The following CDH9 variants were observed in gnomAD, a reference collection of about 807,000 sequenced individuals.
CDH9 encodes the protein cadherin-9.
CDH9 carries 28 observed loss-of-function variants against 70.9 expected under a neutral mutation model. The ratio of observed to expected loss-of-function variants is 0.40; its 90% CI spans 0.29 to 0.54. CDH9 has a LOEUF of 0.54. Ranked by LOEUF, CDH9 falls within the 20% of genes least tolerant of loss-of-function variation. CDH9 has a pLI of 0.59. For missense variants in CDH9, 874 were observed against 984.4 expected, an observed-to-expected ratio of 0.89 and a Z score of 1.50; for synonymous variants, 409 against 343.1, an observed-to-expected ratio of 1.19 and a Z score of -2.12.
Position 26,880,774 on chromosome 5 carries a change from A to C in CDH9, c.*362T>G. ...ATATTAATTTACAAAGCGGTTGCAC[A>C]ATATTTAGTTTAATTGTAAAGGTGA... On this transcript the variant is annotated 3_prime_UTR_variant, in exon 12 of 12. Coordinates refer to ENST00000231021, the MANE Select transcript of CDH9 (RefSeq NM_016279.4). 1 of 162,900 alleles carries C rather than the reference A, an allele frequency of 6.1e-6. No homozygotes were observed. The highest frequency in any genetic ancestry group is 2.4e-5 in the African/African-American group (1 of 41,994). 10.1% of individuals were successfully genotyped at this position (162,900 alleles called of 1,614,324 possible). A position where few individuals can be genotyped will look rare whatever the true frequency, so the allele number is the denominator to read the frequency against.
At chr5:26,948,941 T>A (rs1233163778) in intron 2 of CDH9, among the ~76,000 whole-genome samples, 1 of 152,202 alleles carries the variant, frequency 6.6e-6, no homozygotes, top group Non-Finnish European at 1.5e-5. Flanking sequence ...TATTAACCAA[T>A]GCTCCATTTT....
chr5:26,935,834 G>A (rs1741548580), intron 2 of CDH9, among the ~76,000 whole-genome samples: 1 of 152,144 alleles, frequency 6.6e-6, no homozygotes, highest in Non-Finnish European at 1.5e-5. Context: ...ATTTGCAATT[G>A]CAAAACTATG....
intron 2 of CDH9, among the ~76,000 whole-genome samples, chr5:26,959,584 C>T (rs1031258416): frequency 4.0e-5 from 6 of 151,804 alleles, no homozygotes; most frequent in Non-Finnish European, 5.9e-5. Context: ...TTTATAATAG[C>T]CAAAGGAAGA....
At chr5:26,978,281 T>A (rs989576583) in intron 2 of CDH9, among the ~76,000 whole-genome samples, 7 of 151,946 alleles carry the variant, frequency 4.6e-5, no homozygotes, top group African/African-American at 1.7e-4. Context: ...TTGAAGAATT[T>A]ATAGAGAATA....
chr5:26,888,829 C>T (rs1454811456), intron 9 of CDH9, among the ~76,000 whole-genome samples: 1 of 152,134 alleles, frequency 6.6e-6, no homozygotes, highest in Admixed American at 6.6e-5. Context: ...TCTCATATGG[C>T]TTTTCCTTGG....
chr5:27,037,128 A>T (rs1282208347), intron 1 of CDH9, among the ~76,000 whole-genome samples: 1 of 152,000 alleles, frequency 6.6e-6, no homozygotes, highest in African/African-American at 2.4e-5. Flanking sequence ...TTGAATAATC[A>T]AATTCATTCT....
intron 2 of CDH9, among the ~76,000 whole-genome samples, chr5:26,959,614 G>A (rs930775442): frequency 9.9e-5 from 15 of 152,006 alleles, no homozygotes; most frequent in African/African-American, 3.6e-4. Context: ...TCTATCAATG[G>A]ATGAATGGCT....
intron 2 of CDH9, among the ~76,000 whole-genome samples, chr5:26,967,922 A>G (rs1351157446): frequency 6.6e-6 from 1 of 152,094 alleles, no homozygotes; most frequent in Non-Finnish European, 1.5e-5. Context: ...TATGTTGCCC[A>G]GGCTGGTCTT....
rs141599572 is a variant in CDH9 at position 26,971,514 on chromosome 5, T to A, written c.228+16592A>T. Among the ~76,000 whole-genome samples the A allele has an allele frequency of 1.5e-3, 236 of 152,282 alleles. 1 individual carries two copies. The highest frequency in any genetic ancestry group is 5.3e-3 in the African/African-American group (220 of 41,562). ...GAACTACAGTAGAAAAAGAATTGAG[T>A]GAATCATTATCTTGCAACATATTAT... is the stretch of plus-strand genomic sequence containing the variant. On this transcript the variant is annotated intron_variant, in intron 2 of 11. Coordinates refer to ENST00000231021, the MANE Select transcript of CDH9 (RefSeq NM_016279.4).
chr5:27,005,642 C>T (rs927739108), intron 1 of CDH9, among the ~76,000 whole-genome samples: 3 of 152,014 alleles, frequency 2.0e-5, no homozygotes, highest in East Asian at 1.9e-4. Context: ...AATTACCATT[C>T]GACCCAGCAA....
chr5:26,952,329 GGTCGGCCGGGC>G (rs75766892), intron 2 of CDH9, among the ~76,000 whole-genome samples: 9,135 of 148,574 alleles, frequency 0.061, 362 homozygotes, highest in Middle Eastern at 0.15. Flanking sequence ...GAGGTGATTG[GGTCGGCCGGGC>G]GTCTTGGCTC....
intron 2 of CDH9, among the ~76,000 whole-genome samples, chr5:26,975,944 C>T (rs1486193335): frequency 2.6e-5 from 4 of 152,094 alleles, no homozygotes; most frequent in Admixed American, 6.6e-5. Flanking sequence ...TTGGAAGGCA[C>T]GATCTTAGAG....
intron 2 of CDH9, among the ~76,000 whole-genome samples, chr5:26,927,469 G>A (rs1212687513): frequency 6.6e-6 from 1 of 151,960 alleles, no homozygotes; most frequent in Non-Finnish European, 1.5e-5. Flanking sequence ...GCTACTCTAG[G>A]TCTTCTATAT....
chr5:26,972,194 C>T (rs992566818), intron 2 of CDH9, among the ~76,000 whole-genome samples: 2 of 151,962 alleles, frequency 1.3e-5, no homozygotes, highest in African/African-American at 4.8e-5. Context: ...AAAAGGAAAC[C>T]AGATGTAATA....
intron 1 of CDH9, among the ~76,000 whole-genome samples, chr5:26,996,645 G>T (rs1278016183): frequency 2.0e-5 from 3 of 151,630 alleles, no homozygotes; most frequent in Non-Finnish European, 4.4e-5. Context: ...TTAATTAATA[G>T]TGGTTACATT....
At position 26,881,360 on chromosome 5, in the gene CDH9, T is replaced by A; in HGVS notation, c.2146A>T (p.Ile716Phe). 1 of 1,613,574 alleles carries A rather than the reference T, an allele frequency of 6.2e-7. No homozygotes were observed. Among genetic ancestry groups the A allele is most frequent in the Non-Finnish European group, 8.5e-7 (1 of 1,179,604 alleles). ...TCGTTTTCTTTTAATCTTCGATGGA[T>A]AAAATCTTGTACATCAATATTTTCC... is the stretch of plus-strand genomic sequence containing the variant. The part of the protein sequence containing the change: ...LWENIDVQDF[I>F]HRRLKENDAD... The change falls in exon 12 of 12, where the codon ATC becomes TTC. Residue 716 changes from isoleucine (I) to phenylalanine (F), a missense_variant. Coordinates refer to ENST00000231021, the MANE Select transcript of CDH9 (RefSeq NM_016279.4).
At chr5:26,900,176 C>A (rs904903294) in intron 7 of CDH9, among the ~76,000 whole-genome samples, 2 of 151,884 alleles carry the variant, frequency 1.3e-5, no homozygotes, top group Non-Finnish European at 2.9e-5. Flanking sequence ...TCTGTAACTA[C>A]TAGAGAAATA....
rs183234624 is a variant in CDH9 at position 26,880,874 on chromosome 5, T to G, written c.*262A>C. On this transcript the variant is annotated 3_prime_UTR_variant, in exon 12 of 12. Transcript: ENST00000231021. ...GCACAAAAAGCCTTTTACTTATTTT[T>G]ATTGATTATTGATGTGATATATTTT... is the stretch of plus-strand genomic sequence containing the variant. The G allele has an allele frequency of 3.6e-6, 1 of 280,196 alleles. No homozygotes were observed. The highest frequency in any genetic ancestry group is 5.0e-5 in the Admixed American group (1 of 19,812). 17.4% of individuals were successfully genotyped at this position (280,196 alleles called of 1,614,324 possible).
intron 3 of CDH9, among the ~76,000 whole-genome samples, chr5:26,910,742 A>G (rs1741037514): frequency 6.6e-6 from 1 of 152,222 alleles, no homozygotes. Flanking sequence ...CAGTGTGAGA[A>G]TAAGTTAACG....
Sources: allele counts gnomAD v4.1 joint callset (sites outside exome capture counted in the v4.1 genomes callset), GRCh38; gene constraint gnomAD v4.1.1; transcripts MANE v1.5; gene names NCBI Gene and HGNC (gene_info 2026-07-23, HGNC 2026-07-21).